WIF1: variants seen among roughly 807,000 people sequenced by gnomAD.
WIF1 encodes Wnt inhibitory factor 1.
A neutral mutation model predicts 53.5 loss-of-function variants in WIF1; 35 were observed. That is an observed-to-expected ratio of 0.65 (90% CI 0.50 to 0.87). The LOEUF (loss-of-function observed/expected upper bound fraction) is 0.87. WIF1 is among the 40% of genes least tolerant of loss of function. The pLI is 0.00. For missense variants in WIF1, 467 were observed against 476.8 expected, an observed-to-expected ratio of 0.98 and a Z score of 0.19; for synonymous variants, 171 against 170.4, an observed-to-expected ratio of 1.00 and a Z score of -0.03.
At chr12:65,074,846 AAAAG>A (rs140037714) in intron 3 of WIF1, among the ~76,000 whole-genome samples, 15,925 of 136,728 alleles carry the variant, frequency 0.12, 1,818 homozygotes, top group Admixed American at 0.15. Flanking sequence ...AAAGAAAAGA[AAAAG>A]AAAATTATTT....
intron 3 of WIF1, among the ~76,000 whole-genome samples, chr12:65,069,540 A>T (rs1054592007): frequency 6.6e-6 from 1 of 152,206 alleles, no homozygotes. Context: ...CTGTTTGTTA[A>T]TAAGAAGTGT....
chr12:65,058,239 C>T (rs1882558916), intron 7 of WIF1, among the ~76,000 whole-genome samples: 1 of 152,104 alleles, frequency 6.6e-6, no homozygotes, highest in Non-Finnish European at 1.5e-5. Context: ...AAAATTGGGT[C>T]ATATCACAGT....
At chr12:65,088,374 C>A (rs1883073577) in intron 2 of WIF1, among the ~76,000 whole-genome samples, 1 of 152,142 alleles carries the variant, frequency 6.6e-6, no homozygotes, top group Admixed American at 6.6e-5. Context: ...ATATCCAATC[C>A]TGGTTCCTTT....
At chr12:65,095,671 T>C (rs1448976677) in intron 2 of WIF1, 1 of 151,934 alleles carries the variant, frequency 6.6e-6, no homozygotes, top group Non-Finnish European at 1.5e-5. Context: ...TTAAAGAAAA[T>C]ATCAGTGAGC....
Position 65,066,708 on chromosome 12 carries a change from A to G in WIF1, c.663T>C (p.Gly221=). 4.3e-6 allele frequency: 7 copies of G among 1,610,252 alleles called. No homozygotes were observed. The highest frequency in any genetic ancestry group is 5.9e-6 in the Non-Finnish European group (7 of 1,177,942). The change falls in exon 6 of 10, where the codon GGT becomes GGC. Residue 221 remains glycine, a synonymous_variant. Coordinates refer to ENST00000286574, the MANE Select transcript of WIF1 (RefSeq NM_007191.5). Reference sequence around the variant, plus strand: ...AGAAACCAGGAGTCACACAAAGTCCACCATTCATACATCGTGGGGTACAAA... The same window carrying G: ...AGAAACCAGGAGTCACACAAAGTCCGCCATTCATACATCGTGGGGTACAAA... ...KALCTPRCMN[G]GLCVTPGFCI...
At chr12:65,097,533 A>C (rs140543115) in intron 2 of WIF1, among the ~76,000 whole-genome samples, 1,573 of 152,288 alleles carry the variant, frequency 0.01, 29 homozygotes, top group African/African-American at 0.035. Context: ...AAACCAATCT[A>C]TTAGATATTC....
intron 2 of WIF1, among the ~76,000 whole-genome samples, chr12:65,112,207 T>C (rs914150986): frequency 6.6e-5 from 10 of 152,212 alleles, no homozygotes; most frequent in African/African-American, 2.4e-4. Flanking sequence ...ACTTCTCTTG[T>C]ACTTTTCCTG....
At chr12:65,103,450 C>T (rs574291677) in intron 2 of WIF1, among the ~76,000 whole-genome samples, 1 of 152,278 alleles carries the variant, frequency 6.6e-6, no homozygotes, top group East Asian at 1.9e-4. Context: ...GTGAATGCTT[C>T]CTCAAACTCT....
rs762585469 is a variant in WIF1, at chr12:65,051,160, A to G, written c.*189T>C. On this transcript the variant is annotated 3_prime_UTR_variant, in exon 10 of 10. Transcript: ENST00000286574. ...GCACTGAAACAAGAAAATCTATACC[A>G]TCATGCTACAGACGTACTTAGAAAA... The G allele has an allele frequency of 4.1e-5, 25 of 609,052 alleles. 1 individual carries two copies. Among genetic ancestry groups the G allele is most frequent in the Non-Finnish European group, 5.7e-5 (23 of 400,064 alleles). The allele number at this position is 609,052 out of a possible 1,614,324, so 37.7% of individuals were successfully genotyped here.
intron 3 of WIF1, among the ~76,000 whole-genome samples, chr12:65,075,069 A>G (rs1055806880): frequency 2.0e-5 from 3 of 152,124 alleles, no homozygotes; most frequent in African/African-American, 4.8e-5. Context: ...TTCACCCAGA[A>G]CCCAAACACG....
chr12:65,087,804 T>C (rs1300876780), intron 2 of WIF1, among the ~76,000 whole-genome samples: 18 of 152,158 alleles, frequency 1.2e-4, no homozygotes, highest in Admixed American at 9.8e-4. Flanking sequence ...CAGTTTGTTC[T>C]ATTCCTACCT....
intron 2 of WIF1, among the ~76,000 whole-genome samples, chr12:65,097,160 T>TAA (rs1050951909): frequency 1.4e-5 from 2 of 142,096 alleles, no homozygotes; most frequent in Non-Finnish European, 1.6e-5. Context: ...TTATTCACCT[T>TAA]AAAAAAAAAA....
rs764409521 is a variant in WIF1 at position 65,120,487 on chromosome 12, G to T, written c.218C>A (p.Ala73Glu). 1.7e-5 allele frequency: 27 copies of T among 1,613,976 alleles called. No homozygotes were observed. Among genetic ancestry groups the T allele is most frequent in the Admixed American group, 6.7e-5 (4 of 59,988 alleles). Residue 73 changes from alanine (A) to glutamate (E), a missense_variant, in exon 2 of 10, where the codon GCA (alanine) becomes GAA (glutamate). Physicochemically the swap from Ala to Glu is moderately radical, Grantham distance 107. Coordinates refer to ENST00000286574, the MANE Select transcript of WIF1 (RefSeq NM_007191.5). ...MAPFTHDFRKAQQRMPAIPVN... is the reference protein window; with the variant it reads ...MAPFTHDFRKEQQRMPAIPVN... Reference sequence around the variant, plus strand: ...AGGAATAGCTGGCATTCTCTGTTGTGCTTTTCTGAAATCATGTGTAAAAGG... The same window carrying T: ...AGGAATAGCTGGCATTCTCTGTTGTTCTTTTCTGAAATCATGTGTAAAAGG...
intron 2 of WIF1, among the ~76,000 whole-genome samples, chr12:65,116,472 A>C (rs1883512220): frequency 6.6e-6 from 1 of 151,200 alleles, no homozygotes; most frequent in South Asian, 2.1e-4. Context: ...CTCAGATGGG[A>C]CCATCTAGTT....
intron 3 of WIF1, among the ~76,000 whole-genome samples, chr12:65,069,356 G>C (rs943352078): frequency 1.3e-5 from 2 of 152,130 alleles, no homozygotes; most frequent in Non-Finnish European, 2.9e-5. Context: ...TCCAAAAAGG[G>C]CTAGAAATCA....
At chr12:65,073,921 G>T (rs1269817616) in intron 3 of WIF1, among the ~76,000 whole-genome samples, 1 of 152,150 alleles carries the variant, frequency 6.6e-6, no homozygotes, top group Non-Finnish European at 1.5e-5. Context: ...ATGTGTGTGT[G>T]TGCGAGTCTG....
At chr12:65,087,291 T>C (rs1225078898) in intron 2 of WIF1, among the ~76,000 whole-genome samples, 1 of 152,206 alleles carries the variant, frequency 6.6e-6, no homozygotes, top group African/African-American at 2.4e-5. Flanking sequence ...CAAATCAAAA[T>C]TTTTAGGACA....
At chr12:65,076,686 C>T (rs1271065177) in intron 3 of WIF1, among the ~76,000 whole-genome samples, 1 of 151,880 alleles carries the variant, frequency 6.6e-6, no homozygotes, top group East Asian at 1.9e-4. Context: ...AAATAGGGCT[C>T]CTATGTGCAT....
chr12:65,119,167 C>A (rs1883558220), intron 2 of WIF1, among the ~76,000 whole-genome samples: 1 of 152,112 alleles, frequency 6.6e-6, no homozygotes, highest in African/African-American at 2.4e-5. Context: ...ACAATATTCC[C>A]AACTTAATTG....
Sources: gnomAD v4.1 joint callset for allele counts (sites outside exome capture counted in the v4.1 genomes callset) on GRCh38, gnomAD v4.1.1 for gene constraint, MANE v1.5 for transcripts, NCBI Gene and HGNC (gene_info 2026-07-23, HGNC 2026-07-21) for gene names.